Variants in HDAC9 observed in about 807,000 individuals in gnomAD.
HDAC9 encodes MEF-2 interacting transcription repressor (MITR) protein.
In HDAC9, 41 loss-of-function variants were observed where a neutral mutation model predicts 139.4. That is an observed-to-expected ratio of 0.29 (90% CI 0.23 to 0.38). HDAC9 has a LOEUF of 0.38. HDAC9 is among the 10% of genes least tolerant of loss of function. HDAC9 has a pLI of 1.00. For missense variants in HDAC9, 1,147 were observed against 1,297.0 expected (o/e 0.88, Z 1.78); for synonymous variants, 517 against 476.2 (o/e 1.09, Z -1.12).
chr7:18,383,246 G>A (rs1239378495), intron 1 of HDAC9, among the ~76,000 whole-genome samples: 1 of 152,176 alleles, frequency 6.6e-6, no homozygotes, highest in Non-Finnish European at 1.5e-5. Flanking sequence ...AGAAATCGAT[G>A]TGCTCGTGCA....
intron 17 of HDAC9, among the ~76,000 whole-genome samples, chr7:18,819,267 G>C (rs866976555): frequency 6.6e-6 from 1 of 152,110 alleles, no homozygotes; most frequent in East Asian, 1.9e-4. Flanking sequence ...GTGACAGAGC[G>C]AGACTCCATC....
At chr7:18,252,380 C>T (rs1421793980) in intron 2 of HDAC9, among the ~76,000 whole-genome samples, 3 of 152,100 alleles carry the variant, frequency 2.0e-5, no homozygotes, top group Non-Finnish European at 4.4e-5. Context: ...GTGAACATCA[C>T]ACATGTAAAT....
chr7:18,087,056 G>C (rs1480164444), exon 1 of HDAC9: 5 of 151,904 alleles, frequency 3.3e-5, no homozygotes, highest in African/African-American at 1.2e-4. Context: ...TGGAGGAGCA[G>C]CGGCGGCCCC....
intron 22 of HDAC9, among the ~76,000 whole-genome samples, chr7:18,901,411 G>A (rs931087454): frequency 3.3e-5 from 5 of 152,020 alleles, no homozygotes; most frequent in Admixed American, 1.3e-4. Context: ...TGACATTAGG[G>A]AAAAGAAAAG....
In HDAC9 at chr7:18,551,944, C is replaced by A. The variant is rs142799703; in HGVS notation, c.23-33337C>A. Among the ~76,000 whole-genome samples the A allele has an allele frequency of 9.0e-3, 1,365 of 152,264 alleles. 7 individuals carry two copies. Among genetic ancestry groups the A allele is most frequent in the Middle Eastern group, 0.024 (7 of 294 alleles). On this transcript the variant is annotated intron_variant, in intron 2 of 25. Transcript: ENST00000686413. ...ATCTTAGGAAAAAGATATTAAGCAT[C>A]TTATCTTTATTATGATCACATTTGT...
chr7:18,719,360 GA>G (rs1156957448), intron 12 of HDAC9, among the ~76,000 whole-genome samples: 3 of 32,716 alleles, frequency 9.2e-5, no homozygotes, highest in African/African-American at 1.4e-4. Flanking sequence ...TTTTTTTTGA[GA>G]TGGAGTTTTG....
At chr7:18,573,825 T>C (rs931296088) in intron 2 of HDAC9, among the ~76,000 whole-genome samples, 8 of 152,170 alleles carry the variant, frequency 5.3e-5, no homozygotes, top group African/African-American at 1.9e-4. Flanking sequence ...CTGGAACCAC[T>C]GAACCCCAAA....
intron 2 of HDAC9, among the ~76,000 whole-genome samples, chr7:18,165,453 G>C (rs965413433): frequency 6.6e-6 from 1 of 152,086 alleles, no homozygotes; most frequent in East Asian, 1.9e-4. Context: ...GCAAAACTAT[G>C]CTAATTCAGT....
chr7:18,873,497 T>G (rs771921905), intron 21 of HDAC9, among the ~76,000 whole-genome samples: 12 of 152,294 alleles, frequency 7.9e-5, no homozygotes, highest in South Asian at 2.1e-4. Flanking sequence ...AATATAAAAT[T>G]CATACGTAAT....
At chr7:18,967,063 CA>C (rs1248010556) in intron 24 of HDAC9, among the ~76,000 whole-genome samples, 6 of 152,090 alleles carry the variant, frequency 3.9e-5, no homozygotes, top group African/African-American at 1.2e-4. Context: ...CATTATTCAT[CA>C]GGGGGACAGA....
intron 16 of HDAC9, among the ~76,000 whole-genome samples, chr7:18,771,323 G>A (rs1790271517): frequency 6.6e-6 from 1 of 152,084 alleles, no homozygotes; most frequent in Admixed American, 6.6e-5. Flanking sequence ...TTGTGATTGG[G>A]GAAGGGGAGA....
chr7:18,913,065 A>T (rs559995664), intron 22 of HDAC9, among the ~76,000 whole-genome samples: 1 of 152,074 alleles, frequency 6.6e-6, no homozygotes, highest in Admixed American at 6.6e-5. Context: ...AAAACTTTCT[A>T]TTTCTCTTTT....
chr7:18,905,034 G>A (rs1802096157), intron 22 of HDAC9, among the ~76,000 whole-genome samples: 1 of 152,078 alleles, frequency 6.6e-6, no homozygotes, highest in African/African-American at 2.4e-5. Context: ...GAGTAGCTGG[G>A]CCTACGGTCA....
chr7:18,851,880 T>C (rs62448073), intron 21 of HDAC9, among the ~76,000 whole-genome samples: 11,530 of 152,280 alleles, frequency 0.076, 830 homozygotes, highest in African/African-American at 0.19. Flanking sequence ...AATATTTAGA[T>C]TCATTAGACT....
chr7:18,245,330 G>A (rs961605561), intron 2 of HDAC9, among the ~76,000 whole-genome samples: 1 of 152,198 alleles, frequency 6.6e-6, no homozygotes, highest in Non-Finnish European at 1.5e-5. Flanking sequence ...CCAACCTGTA[G>A]AATTGCAACC....
intron 1 of HDAC9, among the ~76,000 whole-genome samples, chr7:18,416,815 T>G (rs1178175937): frequency 6.6e-6 from 1 of 152,226 alleles, no homozygotes; most frequent in African/African-American, 2.4e-5. Context: ...CTATACTGTT[T>G]CCTAAGAAAT....
chr7:18,454,091 T>C (rs1382940021), intron 1 of HDAC9, among the ~76,000 whole-genome samples: 1 of 152,174 alleles, frequency 6.6e-6, no homozygotes, highest in Non-Finnish European at 1.5e-5. Context: ...GCTAAAATTT[T>C]CTGAAGTGTT....
chr7:18,720,533 TTATC>T (rs1277005536), intron 12 of HDAC9, among the ~76,000 whole-genome samples: 8 of 151,862 alleles, frequency 5.3e-5, no homozygotes, highest in African/African-American at 1.7e-4. Flanking sequence ...CTGTGTTCAT[TTATC>T]TATCAGTGAA....
At chr7:18,925,908 C>T (rs937866031) in intron 22 of HDAC9, among the ~76,000 whole-genome samples, 3 of 151,812 alleles carry the variant, frequency 2.0e-5, no homozygotes, top group Admixed American at 6.6e-5. Context: ...TTTACTTGCT[C>T]TTCTTTACTT....
Sources: allele counts gnomAD v4.1 joint callset (sites outside exome capture counted in the v4.1 genomes callset), GRCh38; gene constraint gnomAD v4.1.1; transcripts MANE v1.5; gene names NCBI Gene and HGNC (gene_info 2026-07-23, HGNC 2026-07-21).